The following TUBA1C variants were observed in gnomAD, a reference collection of about 807,000 sequenced individuals.
The protein encoded by TUBA1C is tubulin alpha-1C chain.
In TUBA1C, 16 loss-of-function variants were observed where a neutral mutation model predicts 34.9. The ratio of observed to expected loss-of-function variants is 0.46; its 90% CI spans 0.31 to 0.70. The LOEUF is 0.70. TUBA1C is among the 30% of genes least tolerant of loss of function. The pLI, the probability that TUBA1C is intolerant of heterozygous loss-of-function variation, is 0.05. For missense variants in TUBA1C, 329 were observed against 587.3 expected, an observed-to-expected ratio of 0.56 and a Z score of 4.55; for synonymous variants, 177 against 215.9, an observed-to-expected ratio of 0.82 and a Z score of 1.58.
intron 1 of TUBA1C, among the ~76,000 whole-genome samples, chr12:49,243,969 G>A (rs1942643116): frequency 6.6e-6 from 1 of 152,000 alleles, no homozygotes; most frequent in African/African-American, 2.4e-5. Flanking sequence ...GGGCCACACA[G>A]CGAGATCCCG....
chr12:49,228,174 T>A lies in TUBA1C; in HGVS notation c.213+8T>A, dbSNP rs1455027926. 3.3e-6 allele frequency: 5 copies of A among 1,535,496 alleles called. No individual in the cohort carries two copies. In the African/African-American group the frequency reaches 6.8e-5, roughly 21 times the overall value. On this transcript the variant is annotated splice_region_variant and intron_variant, in intron 1 of 3. Coordinates refer to the TUBA1C transcript ENST00000541364. ...CCTGGCTGTGATTCAAAGGTAAGGC[T>A]GTAATAGTAATGTAATGTAAATAGC...
chr12:49,229,420 G>A (rs549574760), intron 1 of TUBA1C, among the ~76,000 whole-genome samples: 4 of 152,244 alleles, frequency 2.6e-5, no homozygotes, highest in African/African-American at 4.8e-5. Context: ...TGATCCGCCC[G>A]CCTTGGCCTC....
intron 1 of TUBA1C, among the ~76,000 whole-genome samples, chr12:49,255,405 A>AAAAAATATAT (rs533723121): frequency 2.1e-5 from 3 of 141,308 alleles, no homozygotes; most frequent in South Asian, 2.3e-4. Context: ...ATCTTTAAAA[A>AAAAAATATAT]ATATATATAT....
At position 49,272,687 on chromosome 12, in the gene TUBA1C, C is replaced by T; in HGVS notation, c.810C>T (p.Ala270=). 1 of 1,611,998 alleles carries T rather than the reference C, an allele frequency of 6.2e-7. No individual in the cohort carries two copies. The highest frequency in any genetic ancestry group is 1.1e-5 in the South Asian group (1 of 90,900). The change falls in exon 4 of 4, where the codon GCC becomes GCT. Residue 270 remains alanine (A), a synonymous_variant. Coordinates refer to ENST00000301072, the MANE Select transcript of TUBA1C (RefSeq NM_032704.5). ...VPYPRIHFPL[A]TYAPVISAEK... The stretch of plus-strand genomic sequence containing the variant: ...ACCCCCGCATCCACTTCCCTCTGGC[C>T]ACATATGCCCCTGTCATCTCTGCTG...
At chr12:49,228,741 G>T (rs1179431962) in intron 1 of TUBA1C, among the ~76,000 whole-genome samples, 3 of 152,200 alleles carry the variant, frequency 2.0e-5, no homozygotes, top group African/African-American at 7.2e-5. Context: ...TCTGTGAAGT[G>T]GGAGGGAGAG....
At chr12:49,270,934 G>A (rs1199285862) in intron 3 of TUBA1C, among the ~76,000 whole-genome samples, 2 of 152,022 alleles carry the variant, frequency 1.3e-5, no homozygotes, top group Admixed American at 6.6e-5. Context: ...AGCCGAGATC[G>A]TGCCACTGCA....
chr12:49,265,173 G>A lies in TUBA1C; in HGVS notation c.-9G>A, dbSNP rs747602622. On this transcript the variant is annotated 5_prime_UTR_variant, in exon 1 of 4. Transcript: ENST00000301072. ...CCTTCACCGCCGCAGACCCCTTCAA[G>A]TTCTAGTCATGGTGAGTGGGGTTCC... The A allele has an allele frequency of 1.9e-6, 3 of 1,604,196 alleles. No homozygotes were observed. Among genetic ancestry groups the A allele is most frequent in the East Asian group, 2.2e-5 (1 of 44,652 alleles).
chr12:49,265,954 C>CT (rs1247466036), intron 1 of TUBA1C, among the ~76,000 whole-genome samples: 3 of 95,028 alleles, frequency 3.2e-5, no homozygotes. Flanking sequence ...CCCGTCTCTA[C>CT]TTTAAAAAAA....
exon 1 of TUBA1C, chr12:49,228,158 G>A: frequency 1.3e-6 from 2 of 1,535,720 alleles, no homozygotes; most frequent in South Asian, 1.2e-5. Context: ...ACCTGGCTGT[G>A]ATTCAAAGGT....
At chr12:49,241,139 T>C (rs1185527707) in intron 1 of TUBA1C, among the ~76,000 whole-genome samples, 1 of 152,076 alleles carries the variant, frequency 6.6e-6, no homozygotes, top group Non-Finnish European at 1.5e-5. Flanking sequence ...TGACCTCAGG[T>C]GAACCGCCCG....
In TUBA1C at chr12:49,269,934, C is replaced by T; in HGVS notation, c.333C>T (p.Gly111=). The T allele has an allele frequency of 1.2e-6, 2 of 1,614,198 alleles. No individual in the cohort carries two copies. The highest frequency in any genetic ancestry group is 1.7e-6 in the Non-Finnish European group (2 of 1,180,052). ...ATGCCCGAGGGCACTACACCATTGG[C>T]AAGGAGATCATTGACCTCGTGTTGG... ...NNYARGHYTI[G]KEIIDLVLDR... is the part of the protein sequence containing the mutation. The change falls in exon 3 of 4, where the codon GGC becomes GGT. Residue 111 remains glycine, a synonymous_variant. Coordinates refer to ENST00000301072, the MANE Select transcript of TUBA1C (RefSeq NM_032704.5).
At chr12:49,251,696 C>T (rs1307904028) in intron 1 of TUBA1C, among the ~76,000 whole-genome samples, 1 of 151,562 alleles carries the variant, frequency 6.6e-6, no homozygotes, top group Non-Finnish European at 1.5e-5. Flanking sequence ...ATCGCTTGAG[C>T]CCAAGAGGTG....
At chr12:49,250,584 A>C (rs1245984198) in intron 1 of TUBA1C, among the ~76,000 whole-genome samples, 1 of 151,766 alleles carries the variant, frequency 6.6e-6, no homozygotes, top group Non-Finnish European at 1.5e-5. Flanking sequence ...AAGAGAGGAC[A>C]TCAATCTCTG....
intron 1 of TUBA1C, among the ~76,000 whole-genome samples, chr12:49,257,310 C>A (rs1264923560): frequency 6.6e-6 from 1 of 152,058 alleles, no homozygotes; most frequent in Non-Finnish European, 1.5e-5. Context: ...TCCATTTCCT[C>A]TCCTGTAAAA....
At chr12:49,241,763 C>G (rs1317203751) in intron 1 of TUBA1C, among the ~76,000 whole-genome samples, 1 of 151,816 alleles carries the variant, frequency 6.6e-6, no homozygotes, top group Non-Finnish European at 1.5e-5. Context: ...AATTCTCCTG[C>G]CTCAGCCTCC....
At chr12:49,264,088 C>T (rs920041944), upstream of TUBA1C, among the ~76,000 whole-genome samples, 45 of 152,156 alleles carry the variant, frequency 3.0e-4, no homozygotes, top group African/African-American at 1.1e-3. Flanking sequence ...GGTGTGGTGG[C>T]ACGCGCCTGT....
At chr12:49,264,985 G>C (rs923003041), upstream of TUBA1C, 5 of 725,330 alleles carry the variant, frequency 6.9e-6, no homozygotes, top group Non-Finnish European at 9.5e-6. Flanking sequence ...GCTCGAAGGT[G>C]GGGCCGCAGC....
At chr12:49,248,441 G>A (rs1241716938) in intron 1 of TUBA1C, among the ~76,000 whole-genome samples, 5 of 150,670 alleles carry the variant, frequency 3.3e-5, no homozygotes, top group South Asian at 4.2e-4. Flanking sequence ...CGGTGGCGGC[G>A]CCTATAGTCC....
At chr12:49,244,506 T>A (rs1043484755) in intron 1 of TUBA1C, among the ~76,000 whole-genome samples, 15 of 152,026 alleles carry the variant, frequency 9.9e-5, no homozygotes, top group South Asian at 2.1e-4. Context: ...AGGGAAGTAA[T>A]TTGAGTAGCT....
Sources: allele counts gnomAD v4.1 joint callset (sites outside exome capture counted in the v4.1 genomes callset), GRCh38; gene constraint gnomAD v4.1.1; transcripts MANE v1.5; gene names NCBI Gene and HGNC (gene_info 2026-07-23, HGNC 2026-07-21).